FRMPD1: variants seen among roughly 807,000 people sequenced by gnomAD.
FRMPD1 encodes the protein FERM and PDZ domain-containing protein 1.
FRMPD1 carries 76 observed loss-of-function variants against 117.8 expected under a neutral mutation model. The observed-to-expected ratio is 0.65, with a 90% CI of 0.54 to 0.78. The LOEUF is 0.78. FRMPD1 is among the 30% of genes least tolerant of loss of function. The pLI is 0.00. For missense variants in FRMPD1, 1,786 were observed against 1,964.5 expected, an observed-to-expected ratio of 0.91 and a Z score of 1.72; for synonymous variants, 783 against 770.4, an observed-to-expected ratio of 1.02 and a Z score of -0.27.
the FRMPD1 span, among the ~76,000 whole-genome samples, chr9:37,620,415 G>A: frequency 6.6e-6 from 1 of 152,016 alleles, no homozygotes; most frequent in Non-Finnish European, 1.5e-5. Flanking sequence ...ATTCTTCACA[G>A]GGCTGCTGTG....
intron 4 of FRMPD1, among the ~76,000 whole-genome samples, chr9:37,709,340 G>A (rs1185592425): frequency 2.2e-5 from 3 of 134,572 alleles, no homozygotes; most frequent in Non-Finnish European, 4.7e-5. Flanking sequence ...GCTTTGGGGT[G>A]GTATTAATTG....
At chr9:37,663,944 T>C (rs1288542365) in intron 1 of FRMPD1, among the ~76,000 whole-genome samples, 1 of 152,186 alleles carries the variant, frequency 6.6e-6, no homozygotes. Flanking sequence ...ACCATGCATC[T>C]TTTCCCCGAA....
chr9:37,676,747 G>A (rs918268548), intron 1 of FRMPD1, among the ~76,000 whole-genome samples: 8 of 152,180 alleles, frequency 5.3e-5, no homozygotes, highest in Non-Finnish European at 7.3e-5. Flanking sequence ...GCAATCAGCC[G>A]TTCCTAAGCC....
At chr9:37,697,762 A>T (rs995398125) in intron 2 of FRMPD1, among the ~76,000 whole-genome samples, 2 of 152,222 alleles carry the variant, frequency 1.3e-5, no homozygotes, top group Admixed American at 6.5e-5. Flanking sequence ...ATAGCTTCGT[A>T]TGACTACAGA....
intron 15 of FRMPD1, among the ~76,000 whole-genome samples, chr9:37,743,225 C>CAA (rs368264215): frequency 0.21 from 31,451 of 152,110 alleles, 3,380 homozygotes; most frequent in African/African-American, 0.26. Flanking sequence ...ATGGCAATAA[C>CAA]GAGCAGCTTC....
intron 1 of FRMPD1, among the ~76,000 whole-genome samples, chr9:37,657,947 C>T (rs1820888329): frequency 6.6e-6 from 1 of 151,962 alleles, no homozygotes; most frequent in South Asian, 2.1e-4. Flanking sequence ...CAAAGTTCTT[C>T]ATTATTCCAA....
intron 14 of FRMPD1, among the ~76,000 whole-genome samples, chr9:37,739,714 G>A (rs10758455): frequency 0.34 from 52,209 of 152,036 alleles, 8,944 homozygotes; most frequent in East Asian, 0.43. Flanking sequence ...TGACGCCCAG[G>A]CAGGATAGAA....
In FRMPD1 at chr9:37,745,493, C is replaced by T; in HGVS notation, c.3461C>T (p.Ala1154Val). ...VSQTLDISSP[A>V]GKIVTSLSLD... ...CAGACTCTTGATATTAGCTCTCCAG[C>T]TGGTAAAATAGTAACCTCCCTTTCT... Residue 1154 changes from alanine (A) to valine (V), a missense_variant, in exon 16 of 16, where the codon GCT (alanine) becomes GTT (valine). Coordinates refer to ENST00000377765, the MANE Select transcript of FRMPD1 (RefSeq NM_014907.3). The T allele has an allele frequency of 6.2e-7, 1 of 1,614,038 alleles. No homozygotes were observed. Among genetic ancestry groups the T allele is most frequent in the Non-Finnish European group, 8.5e-7 (1 of 1,179,944 alleles).
chr9:37,729,765 G>A lies in FRMPD1; in HGVS notation c.650G>A (p.Arg217Gln), dbSNP rs763070434. The change falls in exon 8 of 16, where the codon CGA becomes CAA. Residue 217 changes from arginine to glutamine, a missense_variant. Physicochemically the swap from Arg to Gln is conservative, Grantham distance 43. Transcript: ENST00000377765. ...ILTVKEKLSI[R>Q]SIEYFALALE... ...ACCGTGAAGGAGAAGCTGTCCATCCGAAGTATCGAGTACTTTGCACTGGCC... is the reference window on the plus strand; with the variant it reads ...ACCGTGAAGGAGAAGCTGTCCATCCAAAGTATCGAGTACTTTGCACTGGCC... 6.2e-5 allele frequency: 100 copies of A among 1,613,844 alleles called. 2 individuals are homozygous for A. In the South Asian group the frequency reaches 7.5e-4, roughly 12 times the overall value.
rs1824756244 is a variant in FRMPD1 at position 37,746,864 on chromosome 9, TTACTA to T, written c.*98_*102del. On this transcript the variant is annotated 3_prime_UTR_variant, in exon 16 of 16. Transcript: ENST00000377765. ...TCTCCCACCCACCCTCTTCAAATGT[TTACTA>T]TATAGAGTATTCAAATAAACTGCTG... is the stretch of plus-strand genomic sequence containing the variant. 1 of 794,304 alleles carries T rather than the reference TTACTA, an allele frequency of 1.3e-6. No individual in the cohort carries two copies. The highest frequency in any genetic ancestry group is 2.1e-6 in the Non-Finnish European group (1 of 483,366). The allele number at this position is 794,304 out of a possible 1,614,324, so 49.2% of individuals were successfully genotyped here. A position where few individuals can be genotyped will look rare whatever the true frequency, so the allele number is the denominator to read the frequency against.
rs571655525 is a variant in FRMPD1, at chr9:37,695,548, G to A, written c.101+2806G>A. Among the ~76,000 whole-genome samples the A allele has an allele frequency of 1.1e-4, 16 of 152,248 alleles. No homozygotes were observed. In the South Asian group the frequency reaches 3.3e-3, roughly 32 times the overall value. The stretch of plus-strand genomic sequence containing the variant: ...TCTAGGATAAATCATTTGTAGCCTT[G>A]TGTGAATTTCTTCTCATCTGTAATC... On this transcript the variant is annotated intron_variant, in intron 2 of 15. Coordinates refer to ENST00000377765, the MANE Select transcript of FRMPD1 (RefSeq NM_014907.3).
chr9:37,677,385 C>A (rs551124102), intron 1 of FRMPD1, among the ~76,000 whole-genome samples: 1 of 152,248 alleles, frequency 6.6e-6, no homozygotes, highest in Admixed American at 6.5e-5. Context: ...GGGTGGCAAG[C>A]AGCTTCATAT....
intron 1 of FRMPD1, among the ~76,000 whole-genome samples, chr9:37,683,664 A>T (rs1416076414): frequency 2.7e-5 from 4 of 150,672 alleles, no homozygotes; most frequent in African/African-American, 9.8e-5. Flanking sequence ...GTGTTGTGCG[A>T]GGGAGATGAA....
In FRMPD1 at chr9:37,744,526, G is replaced by A; in HGVS notation, c.2494G>A (p.Ala832Thr). The part of the protein sequence containing the change: ...PSRRGGVKKY[A>T]KTLRKRRSFL... Reference sequence around the variant, plus strand: ...CAGGAGGGGAGGGGTGAAGAAATATGCCAAGACCCTGAGGAAAAGAAGGTC... The same window carrying A: ...CAGGAGGGGAGGGGTGAAGAAATATACCAAGACCCTGAGGAAAAGAAGGTC... The change falls in exon 16 of 16, where the codon GCC becomes ACC. Residue 832 changes from alanine to threonine, a missense_variant. Ala to Thr is a moderately conservative substitution (Grantham distance 58, BLOSUM62 0). Transcript: ENST00000377765. 2 of 1,614,100 alleles carry A rather than the reference G, an allele frequency of 1.2e-6. No individual in the cohort carries two copies. Among genetic ancestry groups the A allele is most frequent in the African/African-American group, 2.7e-5 (2 of 75,016 alleles).
intron 10 of FRMPD1, among the ~76,000 whole-genome samples, 174 bp from the exon 11 acceptor site, chr9:37,733,299 T>C (rs1225299592): frequency 2.0e-5 from 3 of 152,002 alleles, no homozygotes; most frequent in Admixed American, 6.6e-5. Flanking sequence ...TGTGGGGATT[T>C]TTGTGGAGAG....
chr9:37,735,733 A>G lies in FRMPD1; in HGVS notation c.1400A>G (p.Lys467Arg), dbSNP rs1824090381. Residue 467 changes from lysine (K) to arginine (R), a missense_variant and splice_region_variant, in exon 13 of 16, where the codon AAG (lysine) becomes AGG (arginine). Coordinates refer to ENST00000377765, the MANE Select transcript of FRMPD1 (RefSeq NM_014907.3). ...SVVKVYLQDV[K>R]VLTLLLESNS... ...GTCAAAGTGTATCTTCAGGACGTCA[A>G]GGTAACACAATGGGGAGAGATTCTG... 4 of 1,608,732 alleles carry G rather than the reference A, an allele frequency of 2.5e-6. No individual in the cohort carries two copies. Among genetic ancestry groups the G allele is most frequent in the Non-Finnish European group, 3.4e-6 (4 of 1,175,388 alleles).
chr9:37,608,193 A>C, the FRMPD1 span, among the ~76,000 whole-genome samples: 10 of 152,222 alleles, frequency 6.6e-5, no homozygotes, highest in African/African-American at 2.2e-4. Context: ...CTCATTCTCC[A>C]TGTCAAACCC....
At chr9:37,672,923 G>A (rs1289150246) in intron 1 of FRMPD1, among the ~76,000 whole-genome samples, 1 of 152,118 alleles carries the variant, frequency 6.6e-6, no homozygotes, top group African/African-American at 2.4e-5. Flanking sequence ...AGAACATGTG[G>A]GAATTCTGGG....
chr9:37,639,073 G>GA, the FRMPD1 span, among the ~76,000 whole-genome samples: 1 of 152,044 alleles, frequency 6.6e-6, no homozygotes, highest in Non-Finnish European at 1.5e-5. Flanking sequence ...GTAGTTGTTT[G>GA]AAAAAAGTGC....
Sources: allele counts gnomAD v4.1 joint callset (sites outside exome capture counted in the v4.1 genomes callset), GRCh38; gene constraint gnomAD v4.1.1; transcripts MANE v1.5; gene names NCBI Gene and HGNC (gene_info 2026-07-23, HGNC 2026-07-21).